The following WNK1 variants were observed in gnomAD, a reference collection of about 807,000 sequenced individuals.
The protein encoded by WNK1 is serine/threonine-protein kinase WNK1.
Under a neutral mutation model 222.8 loss-of-function variants are expected in WNK1, and 38 were observed. The observed-to-expected ratio is 0.17, with a 90% CI of 0.13 to 0.22. The LOEUF is 0.22. Among genes scored for constraint, WNK1 ranks in the 10% least tolerant of loss-of-function variants. The probability of loss-of-function intolerance (pLI) is 1.00; values close to 1 mark genes in which losing one functional copy is unlikely to be tolerated. For synonymous variants in WNK1, 1,090 were observed against 1,092.9 expected (o/e 1.00, Z 0.05); for missense variants, 2,348 against 2,918.4 (o/e 0.80, Z 4.50).
chr12:763,533 G>A (rs1941307610), intron 1 of WNK1, among the ~76,000 whole-genome samples: 1 of 146,616 alleles, frequency 6.8e-6, no homozygotes. Context: ...AGGTTGCAGT[G>A]AGCCAAGATT....
rs1251369965 is a variant in WNK1 at position 753,777 on chromosome 12, C to T, written c.212C>T (p.Thr71Ile). The T allele has an allele frequency of 6.2e-7, 1 of 1,612,472 alleles. No individual in the cohort carries two copies. Among genetic ancestry groups the T allele is most frequent in the Non-Finnish European group, 8.5e-7 (1 of 1,179,940 alleles). ...AAGGACAGCCGTGGGGCGGCCGCGA[C>T]CACTACCACCACTGAGCACCGCTTC... ...MDKDSRGAAA[T>I]TTTTEHRFFR... Residue 71 changes from threonine (T) to isoleucine (I), a missense_variant, in exon 1 of 28, where the codon ACC becomes ATC. Thr to Ile is a moderately conservative substitution (Grantham distance 89). Coordinates refer to ENST00000315939, the MANE Select transcript of WNK1 (RefSeq NM_018979.4). The surrounding 1 kb of genome is among the most constrained non-coding windows in gnomAD (Gnocchi z 5.2).
At chr12:796,920 C>T (rs1036811515) in intron 1 of WNK1, among the ~76,000 whole-genome samples, 4 of 152,234 alleles carry the variant, frequency 2.6e-5, no homozygotes, top group African/African-American at 9.6e-5. Context: ...TTAAAATTTT[C>T]GGTGGTGCCC....
At chr12:853,169 A>G (rs1950530882) in intron 4 of WNK1, among the ~76,000 whole-genome samples, 1 of 152,202 alleles carries the variant, frequency 6.6e-6, no homozygotes, top group Non-Finnish European at 1.5e-5. Flanking sequence ...AATATGTGGT[A>G]TAGCATTGGT....
At chr12:868,670 G>A in intron 8 of WNK1, 2 of 1,613,940 alleles carry the variant, frequency 1.2e-6, no homozygotes, top group East Asian at 2.2e-5. Context: ...AGGAGAAGGA[G>A]GTGGAATTTT....
chr12:852,687 C>T (rs1293896711), intron 4 of WNK1, among the ~76,000 whole-genome samples: 2 of 152,110 alleles, frequency 1.3e-5, no homozygotes, highest in Admixed American at 6.5e-5. Flanking sequence ...TGCTTAAAAT[C>T]GTGTTTAAGA....
chr12:808,201 T>C (rs1038701211), intron 1 of WNK1, among the ~76,000 whole-genome samples: 1 of 152,194 alleles, frequency 6.6e-6, no homozygotes, highest in African/African-American at 2.4e-5. Context: ...TAAAAAACTT[T>C]AAAAATTTAT....
chr12:805,191 G>T (rs1478200190), intron 1 of WNK1, among the ~76,000 whole-genome samples: 1 of 151,992 alleles, frequency 6.6e-6, no homozygotes, highest in African/African-American at 2.4e-5. Context: ...AACTTTTTGA[G>T]GAACTATCGT....
At chr12:840,132 G>GT (rs1366084869) in intron 4 of WNK1, among the ~76,000 whole-genome samples, 2 of 151,746 alleles carry the variant, frequency 1.3e-5, no homozygotes, top group Admixed American at 6.6e-5. Context: ...TTTTGGTTTT[G>GT]TTTTTAATTT....
At chr12:851,853 C>G (rs1756094016) in intron 4 of WNK1, 1 of 1,171,210 alleles carries the variant, frequency 8.5e-7, no homozygotes, top group African/African-American at 1.6e-5. Flanking sequence ...TAGAAAGTTT[C>G]CAATATTGAA....
At position 903,248 on chromosome 12, in the gene WNK1, C is replaced by G. The variant is rs1022279150; in HGVS notation, c.6643+2578C>G. Among the ~76,000 whole-genome samples the G allele has an allele frequency of 7.2e-5, 11 of 152,276 alleles. No individual in the cohort carries two copies. The South Asian group carries it at 1.2e-3, about 17-fold the overall frequency. On this transcript the variant is annotated intron_variant, in intron 26 of 27. Transcript: ENST00000315939. ...TCTTTACTGACTTTCCCCACATGCA[C>G]TAGTCCCAGGCTGTTTAACAAAGAA...
At chr12:853,224 A>T (rs1315759731) in intron 4 of WNK1, among the ~76,000 whole-genome samples, 2 of 152,212 alleles carry the variant, frequency 1.3e-5, no homozygotes, top group Admixed American at 1.3e-4. Flanking sequence ...TTGAAAAAGC[A>T]GCATAACCTA....
chr12:884,204 C>A lies in WNK1; in HGVS notation c.3805C>A (p.Arg1269=), dbSNP rs1953443165. 6.2e-7 allele frequency: 1 copy of A among 1,613,996 alleles called. No homozygotes were observed. The highest frequency in any genetic ancestry group is 8.5e-7 in the Non-Finnish European group (1 of 1,180,012). ...GAGTCCTGTGCCAGAAAGCCGATTA[C>A]GAGAATCAAAAGTTTTCCCCAGTGA... The part of the protein sequence containing the change: ...IVSPVPESRL[R]ESKVFPSEIT... The change falls in exon 18 of 28, where the codon CGA becomes AGA. Residue 1269 remains arginine (R), a synonymous_variant. Coordinates refer to ENST00000315939, the MANE Select transcript of WNK1 (RefSeq NM_018979.4). The surrounding 1 kb of genome is among the most constrained non-coding windows in gnomAD (Gnocchi z 5.6).
intron 1 of WNK1, among the ~76,000 whole-genome samples, chr12:760,981 C>T (rs113716780): frequency 2.1e-5 from 3 of 141,050 alleles, no homozygotes; most frequent in African/African-American, 7.6e-5. Context: ...GACAGAGTTT[C>T]ACCGTGTTGG....
intron 10 of WNK1, 81 bp from the exon 11 acceptor site, chr12:879,478 TGGCTAATACATAAA>T: frequency 1.7e-5 from 13 of 781,940 alleles, no homozygotes; most frequent in South Asian, 5.8e-5. Context: ...TCCTTCTTTT[TGGCTAATACATAAA>T]TCTTGCTTTT....
At position 897,602 on chromosome 12, in the gene WNK1, A is replaced by G; in HGVS notation, c.6369A>G (p.Arg2123=). The stretch of plus-strand genomic sequence containing the variant: ...CCCCAGCTGCTCCCCTTTCAGGGAG[A>G]AGACGACGACCCACTAAAAGCAAAG... The part of the protein sequence containing the change: ...IIPPAAPLSG[R]RRRPTKSKGS... The change falls in exon 25 of 28, where the codon AGA becomes AGG. Residue 2123 remains arginine (R), a synonymous_variant. Coordinates refer to ENST00000315939, the MANE Select transcript of WNK1 (RefSeq NM_018979.4). 3.1e-6 allele frequency: 5 copies of G among 1,614,164 alleles called. No homozygotes were observed. Among genetic ancestry groups the G allele is most frequent in the Non-Finnish European group, 4.2e-6 (5 of 1,180,022 alleles).
chr12:887,330 TC>T lies in WNK1; in HGVS notation c.5364+28del, dbSNP rs771292674. The T allele has an allele frequency of 2.3e-5, 37 of 1,610,462 alleles. No individual in the cohort carries two copies. In the Admixed American group the frequency reaches 5.0e-4, roughly 22 times the overall value. On this transcript the variant is annotated intron_variant, in intron 20 of 27. Transcript: ENST00000315939. ...GTGCCTCAAGACTTGACAAATTTCT[TC>T]CTGTGCCCTACTTTCTTTGACAAAG... is the stretch of plus-strand genomic sequence containing the variant.
Position 813,655 on chromosome 12 carries a change from C to G in WNK1, c.773C>G (p.Thr258Arg), listed in dbSNP as rs1947095598. 1 of 1,613,432 alleles carries G rather than the reference C, an allele frequency of 6.2e-7. No homozygotes were observed. Among genetic ancestry groups the G allele is most frequent in the African/African-American group, 1.3e-5 (1 of 75,008 alleles). The change falls in exon 2 of 28, where the codon ACA (threonine) becomes AGA (arginine). Residue 258 changes from threonine to arginine, a missense_variant. Thr to Arg is a moderately conservative substitution (Grantham distance 71). Coordinates refer to ENST00000315939, the MANE Select transcript of WNK1 (RefSeq NM_018979.4). ...AWCELQDRKL[T>R]KSERQRFKEE... Reference sequence around the variant, plus strand: ...TTTTGATTTTAGGATCGAAAATTAACAAAGTCTGAGAGGCAGAGATTTAAA... The same window carrying G: ...TTTTGATTTTAGGATCGAAAATTAAGAAAGTCTGAGAGGCAGAGATTTAAA...
chr12:904,518 TG>T, intron 26 of WNK1: 1 of 1,288,662 alleles, frequency 7.8e-7, no homozygotes, highest in Non-Finnish European at 1.0e-6. Context: ...CTGTTATTTT[TG>T]GTCCTTGATT....
chr12:880,217 C>G (rs1029761970), intron 11 of WNK1, among the ~76,000 whole-genome samples, 186 bp downstream of exon 11: 1 of 152,162 alleles, frequency 6.6e-6, no homozygotes, highest in Admixed American at 6.5e-5. Flanking sequence ...CCATTTTTCT[C>G]AAGACACTTC....
Sources: allele counts gnomAD v4.1 joint callset (sites outside exome capture counted in the v4.1 genomes callset), GRCh38; gene constraint gnomAD v4.1.1; non-coding constraint Gnocchi (gnomAD v3.1); transcripts MANE v1.5; gene names NCBI Gene and HGNC (gene_info 2026-07-23, HGNC 2026-07-21).